The following ZBTB46 variants were observed in gnomAD, a reference collection of about 807,000 sequenced individuals.
ZBTB46 encodes zinc finger and BTB domain containing 46.
ZBTB46 carries 8 observed loss-of-function variants against 44.1 expected under a neutral mutation model. That is an observed-to-expected ratio of 0.18 (90% CI 0.11 to 0.33). The LOEUF (loss-of-function observed/expected upper bound fraction) is 0.33, where lower values mean the gene tolerates loss of function less well. Ranked by LOEUF, ZBTB46 falls within the 10% of genes least tolerant of loss-of-function variation. The pLI is 1.00. For missense variants in ZBTB46, 651 were observed against 847.7 expected (o/e 0.77, Z 2.88); for synonymous variants, 409 against 382.3 (o/e 1.07, Z -0.81).
intron 1 of ZBTB46, among the ~76,000 whole-genome samples, chr20:63,792,751 C>A (rs769779065): frequency 2.0e-5 from 3 of 152,206 alleles, no homozygotes; most frequent in Non-Finnish European, 4.4e-5. Context: ...CTCCTGACCT[C>A]AGATGATCCA....
chr20:63,774,055 G>A (rs71325467), intron 3 of ZBTB46, among the ~76,000 whole-genome samples: 924 of 7,038 alleles, frequency 0.13, 37 homozygotes, highest in Middle Eastern at 0.5. Context: ...GGCACCCCCC[G>A]CCCCCCCCCC....
At chr20:63,802,602 C>T (rs1283618355) in intron 1 of ZBTB46, among the ~76,000 whole-genome samples, 2 of 151,240 alleles carry the variant, frequency 1.3e-5, no homozygotes, top group Admixed American at 6.6e-5. Flanking sequence ...GGCCGACAAC[C>T]GAACCTCAGA....
chr20:63,808,317 C>G (rs1053324649), intron 1 of ZBTB46, among the ~76,000 whole-genome samples: 5 of 152,244 alleles, frequency 3.3e-5, no homozygotes, highest in Non-Finnish European at 7.3e-5. Context: ...GTCAAGCCAT[C>G]CTTCCCAGCC....
At chr20:63,772,918 C>T (rs997947203) in intron 3 of ZBTB46, among the ~76,000 whole-genome samples, 1 of 152,318 alleles carries the variant, frequency 6.6e-6, no homozygotes, top group Admixed American at 6.5e-5. Flanking sequence ...ACTCCCTCCA[C>T]GTGCTCCGGG....
chr20:63,801,914 G>A (rs1480958643), intron 1 of ZBTB46, among the ~76,000 whole-genome samples: 2 of 152,158 alleles, frequency 1.3e-5, no homozygotes, highest in East Asian at 3.8e-4. Context: ...AGTGCTGTTT[G>A]CTGCACGTAA....
intron 4 of ZBTB46, among the ~76,000 whole-genome samples, chr20:63,751,901 C>T (rs947496350): frequency 5.3e-5 from 8 of 152,232 alleles, no homozygotes; most frequent in South Asian, 2.1e-4. Flanking sequence ...AGGTCCGCTC[C>T]GGAACCTGCT....
intron 1 of ZBTB46, among the ~76,000 whole-genome samples, chr20:63,822,908 C>T (rs1380574033): frequency 8.4e-6 from 1 of 119,712 alleles, no homozygotes; most frequent in African/African-American, 3.5e-5. Flanking sequence ...CACCTGTCAT[C>T]CTAGCACTTT....
chr20:63,762,086 T>C (rs1050993294), intron 3 of ZBTB46, among the ~76,000 whole-genome samples: 1 of 152,182 alleles, frequency 6.6e-6, no homozygotes, highest in Non-Finnish European at 1.5e-5. Context: ...ACAGCCAGTA[T>C]CTCTATGAAC....
chr20:63,791,342 A>G (rs544630915), intron 1 of ZBTB46, among the ~76,000 whole-genome samples: 3 of 152,122 alleles, frequency 2.0e-5, no homozygotes, highest in Non-Finnish European at 2.9e-5. Context: ...AAAAATACAA[A>G]AAAAGCAGCT....
intron 3 of ZBTB46, among the ~76,000 whole-genome samples, chr20:63,761,373 A>G (rs556452682): frequency 1.4e-4 from 22 of 152,186 alleles, no homozygotes; most frequent in Non-Finnish European, 3.1e-4. Flanking sequence ...CTTGACAAAG[A>G]AATTTAGAAC....
At chr20:63,794,857 G>A (rs1217935725) in intron 1 of ZBTB46, among the ~76,000 whole-genome samples, 1 of 152,210 alleles carries the variant, frequency 6.6e-6, no homozygotes, top group African/African-American at 2.4e-5. Context: ...TGCATCCACA[G>A]GACACACACC....
chr20:63,816,088 A>ACAGGTGCAGTGGGCG (rs67223006), intron 1 of ZBTB46, among the ~76,000 whole-genome samples: 4 of 118,550 alleles, frequency 3.4e-5, no homozygotes, highest in African/African-American at 6.3e-5. Context: ...ACAGGTGGGC[A>ACAGGTGCAGTGGGCG]CAGGTGCAGT....
intron 1 of ZBTB46, among the ~76,000 whole-genome samples, chr20:63,825,577 G>C (rs2092815573): frequency 6.6e-6 from 1 of 152,232 alleles, no homozygotes; most frequent in South Asian, 2.1e-4. Flanking sequence ...AACCAGAACA[G>C]CCTTGCTCCA....
At chr20:63,828,193 G>T (rs963075540) in intron 1 of ZBTB46, among the ~76,000 whole-genome samples, 13 of 152,216 alleles carry the variant, frequency 8.5e-5, no homozygotes, top group African/African-American at 3.1e-4. Flanking sequence ...CCAAGCCTGG[G>T]TCTGTATATG....
At position 63,747,016 on chromosome 20, in the gene ZBTB46, A is replaced by G; in HGVS notation, c.1684T>C (p.Leu562=). Residue 562 remains leucine, a synonymous_variant, in exon 5 of 5, where the codon TTG becomes CTG. Coordinates refer to ENST00000245663, the MANE Select transcript of ZBTB46 (RefSeq NM_001369741.1). ...TCTTCCTCATCCTTGTCGTCCGCCAACAGCGCATCCTCAGGGGCCAGGCCC... is the reference window on the plus strand; with the variant it reads ...TCTTCCTCATCCTTGTCGTCCGCCAGCAGCGCATCCTCAGGGGCCAGGCCC... ...DEGLAPEDAL[L]ADDKDEEDSP... is the part of the protein sequence containing the mutation. 6.2e-7 allele frequency: 1 copy of G among 1,608,100 alleles called. No homozygotes were observed. Among genetic ancestry groups the G allele is most frequent in the Non-Finnish European group, 8.5e-7 (1 of 1,179,570 alleles).
chr20:63,806,364 A>T (rs1385257354), intron 1 of ZBTB46, among the ~76,000 whole-genome samples: 1 of 149,922 alleles, frequency 6.7e-6, no homozygotes, highest in Non-Finnish European at 1.5e-5. Context: ...CCGAGAACAT[A>T]TCACTGCACT....
At chr20:63,777,678 C>A (rs896960305) in intron 2 of ZBTB46, among the ~76,000 whole-genome samples, 18 of 152,196 alleles carry the variant, frequency 1.2e-4, no homozygotes, top group African/African-American at 4.1e-4. Context: ...CAAAAGCTCA[C>A]AGAAAACCTC....
chr20:63,815,430 G>GGCACAGGTGCAGGTGA (rs34034752), intron 1 of ZBTB46, among the ~76,000 whole-genome samples: 12 of 147,770 alleles, frequency 8.1e-5, no homozygotes, highest in Middle Eastern at 3.9e-3. Context: ...GGTGCAGGTG[G>GGCACAGGTGCAGGTGA]GCACAGGTGC....
In ZBTB46 at chr20:63,791,300, C is replaced by G. The variant is rs537341255; in HGVS notation, c.-33-510G>C. 5.9e-5 allele frequency among the ~76,000 whole-genome samples: 9 copies of G among 152,132 alleles called. No individual in the cohort carries two copies. In the South Asian group the frequency reaches 1.5e-3, roughly 25 times the overall value. On this transcript the variant is annotated intron_variant, in intron 1 of 4. Coordinates refer to ENST00000245663, the MANE Select transcript of ZBTB46 (RefSeq NM_001369741.1). The stretch of plus-strand genomic sequence containing the variant: ...CACAAGGTCAGGAGATCGAGACCAT[C>G]CTGGCCAACATGGTGAAACCCTGTC...
Sources: gnomAD v4.1 joint callset for allele counts (sites outside exome capture counted in the v4.1 genomes callset) on GRCh38, gnomAD v4.1.1 for gene constraint, MANE v1.5 for transcripts, NCBI Gene and HGNC (gene_info 2026-07-23, HGNC 2026-07-21) for gene names.